Variants in ZNF292 observed in about 807,000 individuals in gnomAD.
ZNF292 encodes the protein zinc finger protein 292.
Under a neutral mutation model 217.9 loss-of-function variants are expected in ZNF292, and 26 were observed. That is an observed-to-expected ratio of 0.12 (90% CI 0.09 to 0.17). The LOEUF is 0.17. Ranked by LOEUF, ZNF292 falls within the 10% of genes least tolerant of loss-of-function variation. The pLI is 1.00. For missense variants in ZNF292, 2,904 were observed against 3,175.2 expected (o/e 0.91, Z 2.05); for synonymous variants, 1,257 against 1,124.1 (o/e 1.12, Z -2.37).
chr6:87,219,928 T>C (rs1772994637), intron 4 of ZNF292, among the ~76,000 whole-genome samples: 1 of 152,198 alleles, frequency 6.6e-6, no homozygotes, highest in African/African-American at 2.4e-5. Flanking sequence ...CAGACTCAAG[T>C]GATCCTTTCA....
chr6:87,243,381 A>G, intron 5 of ZNF292, 94 bp from the exon 6 acceptor site: 3 of 1,093,518 alleles, frequency 2.7e-6, no homozygotes, highest in Non-Finnish European at 3.6e-6. Context: ...ATTCATAAAA[A>G]CTATCTAAAT....
rs1775688782 is a variant in ZNF292 at position 87,263,141 on chromosome 6, T to G, written c.*1340T>G. 2 of 152,056 alleles carry G rather than the reference T, an allele frequency of 1.3e-5. No individual in the cohort carries two copies. The highest frequency in any genetic ancestry group is 4.1e-4 in the South Asian group (2 of 4,826). 9.4% of individuals were successfully genotyped at this position (152,056 alleles called of 1,614,324 possible). A position where few individuals can be genotyped will look rare whatever the true frequency, so the allele number is the denominator to read the frequency against. ...AGTTAGCTCTTACAGTTTAGCTTTATTCACCATATTTATACTGTGGATTCA... is the reference window on the plus strand; with the variant it reads ...AGTTAGCTCTTACAGTTTAGCTTTAGTCACCATATTTATACTGTGGATTCA... On this transcript the variant is annotated 3_prime_UTR_variant, in exon 8 of 8. Coordinates refer to ENST00000369577, the MANE Select transcript of ZNF292 (RefSeq NM_015021.3).
At chr6:87,216,477 A>T (rs1163885779) in intron 3 of ZNF292, 100 bp downstream of exon 3, 1 of 798,976 alleles carries the variant, frequency 1.3e-6, no homozygotes, top group Non-Finnish European at 2.0e-6. Flanking sequence ...CATCTCAATA[A>T]TGACAGACAT....
chr6:87,238,131 T>A lies in ZNF292; in HGVS notation c.741+4604T>A, dbSNP rs146516187. On this transcript the variant is annotated intron_variant, in intron 5 of 7. Coordinates refer to ENST00000369577, the MANE Select transcript of ZNF292 (RefSeq NM_015021.3). ...TACTGAATGTAGCAGATGTTTCAGT[T>A]GGTATGTTGCATGTATATGAAAAAA... Among the ~76,000 whole-genome samples, 23 of 152,306 alleles carry A rather than the reference T, an allele frequency of 1.5e-4. No individual in the cohort carries two copies. In the East Asian group the frequency reaches 4.4e-3, roughly 29 times the overall value.
intron 5 of ZNF292, among the ~76,000 whole-genome samples, chr6:87,236,124 GCT>G (rs1773893556): frequency 1.3e-5 from 2 of 152,296 alleles, no homozygotes; most frequent in Admixed American, 6.5e-5. Context: ...TGCACCATGT[GCT>G]CTCTCACTTG....
At chr6:87,225,866 A>G (rs1055495135) in intron 4 of ZNF292, among the ~76,000 whole-genome samples, 8 of 152,232 alleles carry the variant, frequency 5.3e-5, no homozygotes, top group African/African-American at 1.9e-4. Flanking sequence ...AAACCCAAGT[A>G]GCAGACTTTC....
rs1457929530 is a variant in ZNF292 at position 87,256,374 on chromosome 6, A to G, written c.2745A>G (p.Gly915=). 1.9e-6 allele frequency: 3 copies of G among 1,609,898 alleles called. No individual in the cohort carries two copies. Among genetic ancestry groups the G allele is most frequent in the Non-Finnish European group, 2.5e-6 (3 of 1,179,824 alleles). ...ISASELRQAN[G]PLSNGLENPA... ...CCTCTGAGCTCAGGCAAGCTAATGG[A>G]CCATTGTCAAATGGTTTGGAAAACC... Residue 915 remains glycine, a synonymous_variant, in exon 8 of 8, where the codon GGA becomes GGG. Transcript: ENST00000369577.
At chr6:87,211,988 T>G (rs1034539370) in intron 1 of ZNF292, among the ~76,000 whole-genome samples, 1 of 152,178 alleles carries the variant, frequency 6.6e-6, no homozygotes, top group African/African-American at 2.4e-5. Context: ...GGGAAAAAAG[T>G]GTAGGACTTT....
intron 1 of ZNF292, among the ~76,000 whole-genome samples, chr6:87,183,202 G>A (rs988476574): frequency 6.6e-6 from 1 of 152,144 alleles, no homozygotes; most frequent in South Asian, 2.1e-4. Flanking sequence ...GAGTCAGTAA[G>A]GGTGTTAAGT....
chr6:87,259,420 C>T lies in ZNF292; in HGVS notation c.5791C>T (p.Pro1931Ser). 1 of 1,600,650 alleles carries T rather than the reference C, an allele frequency of 6.2e-7. No homozygotes were observed. Among genetic ancestry groups the T allele is most frequent in the Non-Finnish European group, 8.5e-7 (1 of 1,172,704 alleles). ...KHYGKIHQYT[P>S]EMILEIKKNQ... ...CTATGGTAAAATTCATCAATACACT[C>T]CAGAAATGATTCTTGAAATTAAGAA... Residue 1931 changes from proline to serine, a missense_variant, in exon 8 of 8, where the codon CCA becomes TCA. Physicochemically the swap from Pro to Ser is moderately conservative, Grantham distance 74 (BLOSUM62 -1). This residue lies in a region of ZNF292 where 50 missense variants were observed against 90.5 expected (regional missense o/e 0.55). Transcript: ENST00000369577.
In ZNF292 at chr6:87,260,448, C is replaced by T; in HGVS notation, c.6819C>T (p.Leu2273=). ...CDRIYATRSN[L]LRHIFNKHND... ...GTATATATGCAACCCGGTCGAATCT[C>T]CTCCGACACATTTTTAATAAGCATA... is the stretch of plus-strand genomic sequence containing the variant. The change falls in exon 8 of 8, where the codon CTC becomes CTT. Residue 2273 remains leucine, a synonymous_variant. Transcript: ENST00000369577. The T allele has an allele frequency of 6.2e-7, 1 of 1,613,556 alleles. No homozygotes were observed. The highest frequency in any genetic ancestry group is 1.1e-5 in the South Asian group (1 of 91,060).
intron 1 of ZNF292, among the ~76,000 whole-genome samples, chr6:87,188,086 C>G (rs905930784): frequency 6.6e-6 from 1 of 152,186 alleles, no homozygotes; most frequent in Non-Finnish European, 1.5e-5. Flanking sequence ...CCCTAAAAGA[C>G]TGTATGAGCC....
rs145470881 is a variant in ZNF292, at chr6:87,248,441, C to T, written c.1020+2797C>T. Among the ~76,000 whole-genome samples, 419 of 152,190 alleles carry T rather than the reference C, an allele frequency of 2.8e-3. 2 individuals are homozygous for T. The highest frequency in any genetic ancestry group is 5.1e-3 in the Non-Finnish European group (344 of 68,008). On this transcript the variant is annotated intron_variant, in intron 7 of 7. Coordinates refer to ENST00000369577, the MANE Select transcript of ZNF292 (RefSeq NM_015021.3). The stretch of plus-strand genomic sequence containing the variant: ...GATTTTTCATTTATATATTGTGGTG[C>T]TGCAGTTAAAAAATAAAGTAGCTGG...
rs1236032109 is a variant in ZNF292 at position 87,259,559 on chromosome 6, A to C, written c.5930A>C (p.Glu1977Ala). ...CAGTTGGTGCATCATTTTACAACTGAAGAAATGGTAAAGTTAAAAATTAAA... is the reference window on the plus strand; with the variant it reads ...CAGTTGGTGCATCATTTTACAACTGCAGAAATGGTAAAGTTAAAAATTAAA... ...HCQLVHHFTT[E>A]EMVKLKIKRP... is the part of the protein sequence containing the mutation. Residue 1977 changes from glutamate (E) to alanine (A), a missense_variant, in exon 8 of 8, where the codon GAA (glutamate) becomes GCA (alanine). By Grantham distance (107) the Glu-to-Ala change is moderately radical. Transcript: ENST00000369577. 1.3e-6 allele frequency: 2 copies of C among 1,579,902 alleles called. No individual in the cohort carries two copies. Among genetic ancestry groups the C allele is most frequent in the Non-Finnish European group, 1.7e-6 (2 of 1,161,812 alleles).
At chr6:87,200,238 C>G (rs1772066280) in intron 1 of ZNF292, among the ~76,000 whole-genome samples, 1 of 152,194 alleles carries the variant, frequency 6.6e-6, no homozygotes, top group Non-Finnish European at 1.5e-5. Flanking sequence ...ATTATGACTG[C>G]TTGACTATGG....
chr6:87,164,024 T>G (rs1770835229), intron 1 of ZNF292, among the ~76,000 whole-genome samples: 1 of 152,232 alleles, frequency 6.6e-6, no homozygotes, highest in African/African-American at 2.4e-5. Flanking sequence ...GTTACAACCC[T>G]TGTTTCGCCC....
Position 87,257,394 on chromosome 6 carries a change from T to C in ZNF292, c.3765T>C (p.Ile1255=). The C allele has an allele frequency of 6.2e-7, 1 of 1,613,654 alleles. No individual in the cohort carries two copies. The highest frequency in any genetic ancestry group is 1.1e-5 in the South Asian group (1 of 91,034). ...DLTKTVLPLN[I]DSGSDPFLPL... ...CCAAAACAGTTCTGCCTTTGAATAT[T>C]GACAGTGGCTCAGATCCTTTCCTTC... The change falls in exon 8 of 8, where the codon ATT becomes ATC. Residue 1255 remains isoleucine, a synonymous_variant. Coordinates refer to ENST00000369577, the MANE Select transcript of ZNF292 (RefSeq NM_015021.3).
chr6:87,265,178 G>T lies in ZNF292; in HGVS notation c.*3377G>T, dbSNP rs1348883102. Among the ~76,000 whole-genome samples, 1 of 151,574 alleles carries T rather than the reference G, an allele frequency of 6.6e-6. No homozygotes were observed. Among genetic ancestry groups the T allele is most frequent in the Non-Finnish European group, 1.5e-5 (1 of 67,910 alleles). The stretch of plus-strand genomic sequence containing the variant: ...CCCAGGCTGGAGTGCAGTGTTGCAC[G>T]ATCTCGGCTTACTGCAACTTCTGCC... On this transcript the variant is annotated 3_prime_UTR_variant, in exon 8 of 8. Transcript: ENST00000369577.
chr6:87,205,643 A>G (rs567028935), intron 1 of ZNF292, among the ~76,000 whole-genome samples: 12 of 152,096 alleles, frequency 7.9e-5, no homozygotes, highest in South Asian at 2.1e-4. Flanking sequence ...TCTTGTAGTT[A>G]TGGTTCCTTT....
Sources: gnomAD v4.1 joint callset for allele counts (sites outside exome capture counted in the v4.1 genomes callset) on GRCh38, gnomAD v4.1.1 for gene constraint, gnomAD v4.1.1 regional missense constraint, MANE v1.5 for transcripts, NCBI Gene and HGNC (gene_info 2026-07-23, HGNC 2026-07-21) for gene names.